The following ZNF385D variants were observed in gnomAD, a reference collection of about 807,000 sequenced individuals.
ZNF385D encodes zinc finger protein 659.
In ZNF385D, 15 loss-of-function variants were observed where a neutral mutation model predicts 35.8. The ratio of observed to expected loss-of-function variants is 0.42; its 90% CI spans 0.28 to 0.64. ZNF385D has a LOEUF of 0.64. Among genes scored for constraint, ZNF385D ranks in the 30% least tolerant of loss-of-function variants. The pLI, the probability that ZNF385D is intolerant of heterozygous loss-of-function variation, is 0.23. For missense variants in ZNF385D, 474 were observed against 494.6 expected (o/e 0.96, Z 0.39); for synonymous variants, 212 against 186.8 (o/e 1.13, Z -1.10).
intron 3 of ZNF385D, among the ~76,000 whole-genome samples, chr3:21,875,786 T>A (rs772254361): frequency 3.3e-5 from 5 of 151,718 alleles, no homozygotes; most frequent in Non-Finnish European, 5.9e-5. Flanking sequence ...ATTGTGATCA[T>A]CATCATTCCA....
chr3:22,329,249 A>G (rs192229986), intron 2 of ZNF385D, among the ~76,000 whole-genome samples: 1,790 of 147,322 alleles, frequency 0.012, 27 homozygotes, highest in East Asian at 0.053. Context: ...TTTATTTGAA[A>G]TATCTTTTTT....
chr3:21,453,067 C>T (rs150577140), intron 4 of ZNF385D, among the ~76,000 whole-genome samples: 1 of 151,564 alleles, frequency 6.6e-6, no homozygotes, highest in Non-Finnish European at 1.5e-5. Context: ...GAAACCCATA[C>T]ATTTATGGCC....
chr3:21,764,073 A>C (rs1215697711), intron 3 of ZNF385D, among the ~76,000 whole-genome samples: 2 of 152,090 alleles, frequency 1.3e-5, no homozygotes, highest in Non-Finnish European at 2.9e-5. Flanking sequence ...ATGGATAATC[A>C]GGGAGATTAG....
chr3:22,175,955 T>A (rs572790840), intron 2 of ZNF385D, among the ~76,000 whole-genome samples: 3 of 150,184 alleles, frequency 2.0e-5, no homozygotes, highest in Non-Finnish European at 4.4e-5. Flanking sequence ...CATTAGCATT[T>A]GAGAAAATTA....
rs140811629 is a variant in ZNF385D at position 21,785,264 on chromosome 3, T to TTA, written c.326-120238_326-120237dup. Among the ~76,000 whole-genome samples the TTA allele has an allele frequency of 5.9e-5, 9 of 151,908 alleles. No individual in the cohort carries two copies. The South Asian group carries it at 6.2e-4, about 11-fold the overall frequency. ...TTGAGGAATAATTGACCATTAAAAA[T>TTA]TATATATATATATGGTTCATAACTT... On this transcript the variant is annotated intron_variant, in intron 3 of 5. Coordinates refer to the ZNF385D transcript ENST00000494108.
At chr3:21,540,274 T>C (rs1244605446) in intron 3 of ZNF385D, among the ~76,000 whole-genome samples, 1 of 152,166 alleles carries the variant, frequency 6.6e-6, no homozygotes, top group Non-Finnish European at 1.5e-5. Context: ...GTAGAATATT[T>C]TATATGAGAG....
chr3:22,282,778 G>GA (rs961540130), intron 2 of ZNF385D, among the ~76,000 whole-genome samples: 12 of 151,390 alleles, frequency 7.9e-5, no homozygotes, highest in South Asian at 2.1e-4. Context: ...ATAACACAAT[G>GA]AAAAAAAACA....
At chr3:22,181,002 T>C (rs1284203388) in intron 2 of ZNF385D, among the ~76,000 whole-genome samples, 1 of 151,492 alleles carries the variant, frequency 6.6e-6, no homozygotes, top group Admixed American at 6.6e-5. Context: ...CTTTTCTCAT[T>C]GATTCTGTCT....
intron 4 of ZNF385D, among the ~76,000 whole-genome samples, chr3:21,452,923 G>T (rs188879892): frequency 6.6e-5 from 10 of 151,976 alleles, no homozygotes; most frequent in Admixed American, 4.6e-4. Flanking sequence ...GAAGAATAAA[G>T]TTAGAGGATT....
At chr3:21,780,525 A>G (rs1229284747) in intron 3 of ZNF385D, among the ~76,000 whole-genome samples, 5 of 151,982 alleles carry the variant, frequency 3.3e-5, no homozygotes, top group African/African-American at 1.2e-4. Flanking sequence ...ATATGAATAC[A>G]TTTTCTTTCT....
chr3:22,069,175 T>C (rs12497147), intron 3 of ZNF385D, among the ~76,000 whole-genome samples: 41,100 of 152,122 alleles, frequency 0.27, 6,088 homozygotes, highest in African/African-American at 0.38. Flanking sequence ...TTATATCTCA[T>C]TGGTTAGTAC....
intron 3 of ZNF385D, among the ~76,000 whole-genome samples, chr3:21,953,348 C>G (rs485483): frequency 6.6e-6 from 1 of 151,170 alleles, no homozygotes; most frequent in East Asian, 1.9e-4. Context: ...CTGGAAAAAA[C>G]GTAAAATTGA....
chr3:22,131,956 C>A (rs1000363042), intron 3 of ZNF385D, among the ~76,000 whole-genome samples: 1 of 152,122 alleles, frequency 6.6e-6, no homozygotes, highest in African/African-American at 2.4e-5. Flanking sequence ...GTATGGAAGT[C>A]TGAACAAACA....
chr3:21,837,511 T>C (rs530624277), intron 3 of ZNF385D, among the ~76,000 whole-genome samples: 2 of 152,116 alleles, frequency 1.3e-5, no homozygotes, highest in Admixed American at 6.6e-5. Flanking sequence ...GTGCATGGCT[T>C]TGGAATTTAG....
chr3:21,860,228 C>T (rs1625890), intron 3 of ZNF385D, among the ~76,000 whole-genome samples: 64,450 of 151,882 alleles, frequency 0.42, 13,904 homozygotes, highest in African/African-American at 0.45. Flanking sequence ...TTAATGTTTT[C>T]AGTTTTGTGC....
At chr3:21,495,615 C>T (rs1705775347) in intron 4 of ZNF385D, among the ~76,000 whole-genome samples, 1 of 152,000 alleles carries the variant, frequency 6.6e-6, no homozygotes, top group African/African-American at 2.4e-5. Flanking sequence ...ATCAAATTAA[C>T]AACCTAACAT....
chr3:21,821,546 C>A (rs1032032635), intron 3 of ZNF385D, among the ~76,000 whole-genome samples: 2 of 152,076 alleles, frequency 1.3e-5, no homozygotes, highest in Non-Finnish European at 2.9e-5. Flanking sequence ...AAAAATTGGG[C>A]AATGGCTTGC....
chr3:21,993,088 C>T (rs1174937160), intron 3 of ZNF385D, among the ~76,000 whole-genome samples: 1 of 152,194 alleles, frequency 6.6e-6, no homozygotes, highest in Non-Finnish European at 1.5e-5. Flanking sequence ...ATGCCAGATA[C>T]ATAACTCTCC....
intron 3 of ZNF385D, among the ~76,000 whole-genome samples, chr3:21,529,483 A>G (rs534384187): frequency 1.2e-3 from 189 of 152,238 alleles, no homozygotes; most frequent in Non-Finnish European, 2.0e-3. Context: ...ATCATAATTT[A>G]GAAAGATTTT....
Sources: gnomAD v4.1 joint callset for allele counts (sites outside exome capture counted in the v4.1 genomes callset) on GRCh38, gnomAD v4.1.1 for gene constraint, MANE v1.5 for transcripts, NCBI Gene and HGNC (gene_info 2026-07-23, HGNC 2026-07-21) for gene names.